The following TRMT11 variants were observed in gnomAD, a reference collection of about 807,000 sequenced individuals.
The protein encoded by TRMT11 is tRNA (guanine(10)-N(2))-methyltransferase TRMT11.
In TRMT11, 53 loss-of-function variants were observed where a neutral mutation model predicts 62.8. The observed-to-expected ratio is 0.84, with a 90% CI of 0.68 to 1.06. The LOEUF is 1.06. TRMT11 is among the 50% of genes least tolerant of loss of function. The pLI is 0.00. For synonymous variants in TRMT11, 188 were observed against 190.3 expected (o/e 0.99, Z 0.10); for missense variants, 556 against 553.4 (o/e 1.00, Z -0.05).
At chr6:126,224,876 C>T in the TRMT11 span, among the ~76,000 whole-genome samples, 103 of 152,258 alleles carry the variant, frequency 6.8e-4, 1 homozygote, top group Middle Eastern at 3.4e-3. Flanking sequence ...GCGTGCTGGT[C>T]GGGGCCCATC....
At chr6:126,157,715 C>T (rs535377071) in intron 21 of TRMT11, among the ~76,000 whole-genome samples, 9 of 152,238 alleles carry the variant, frequency 5.9e-5, no homozygotes, top group Non-Finnish European at 1.2e-4. Context: ...TTAGATGGGT[C>T]TGATGAAAAG....
chr6:126,227,933 GT>G, the TRMT11 span, among the ~76,000 whole-genome samples: 2 of 152,212 alleles, frequency 1.3e-5, no homozygotes, highest in Admixed American at 1.3e-4. Context: ...CATAAAAGCC[GT>G]AAAACATGAG....
Position 125,998,387 on chromosome 6 carries a change from C to T in TRMT11, c.387+72C>T. ...TGGCCATTGTTGATATATAGGAATACCTAATGTCTGTGAAGTGTTTATTTT... is the reference window on the plus strand; with the variant it reads ...TGGCCATTGTTGATATATAGGAATATCTAATGTCTGTGAAGTGTTTATTTT... On this transcript the variant is annotated intron_variant, in intron 5 of 12. Coordinates refer to ENST00000334379, the MANE Select transcript of TRMT11 (RefSeq NM_001031712.3). 4.7e-6 allele frequency: 6 copies of T among 1,266,606 alleles called. No homozygotes were observed. In the South Asian group the frequency reaches 8.0e-5, roughly 17 times the overall value. 78.5% of individuals were successfully genotyped at this position (1,266,606 alleles called of 1,614,324 possible).
the TRMT11 span, among the ~76,000 whole-genome samples, chr6:126,239,185 T>C: frequency 6.6e-6 from 1 of 152,246 alleles, no homozygotes; most frequent in Non-Finnish European, 1.5e-5. Context: ...TGTCTTTTAA[T>C]TGGAGCATTT....
At chr6:125,989,248 C>T (rs1386554265) in intron 1 of TRMT11, among the ~76,000 whole-genome samples, 2 of 151,704 alleles carry the variant, frequency 1.3e-5, no homozygotes, top group South Asian at 4.2e-4. Flanking sequence ...CTGCCTCAGC[C>T]TCCCGAGTAG....
At chr6:126,127,502 T>C (rs1191523088) in intron 21 of TRMT11, among the ~76,000 whole-genome samples, 2 of 152,116 alleles carry the variant, frequency 1.3e-5, no homozygotes, top group East Asian at 3.9e-4. Context: ...TTTTTAATTA[T>C]ACTTTAAGTT....
chr6:126,100,267 A>G (rs1231021121), intron 17 of TRMT11, among the ~76,000 whole-genome samples: 1 of 152,114 alleles, frequency 6.6e-6, no homozygotes, highest in Non-Finnish European at 1.5e-5. Flanking sequence ...GAGAATTTCC[A>G]TTTTATAGAT....
chr6:126,179,277 A>G (rs1477568707), intron 1 of TRMT11, among the ~76,000 whole-genome samples: 2 of 152,090 alleles, frequency 1.3e-5, no homozygotes, highest in African/African-American at 2.4e-5. Context: ...GATTTTGTCA[A>G]TATTGCTCCT....
the TRMT11 span, among the ~76,000 whole-genome samples, chr6:126,242,793 C>A: frequency 3.9e-5 from 6 of 152,164 alleles, no homozygotes; most frequent in South Asian, 1.2e-3. Flanking sequence ...TCAAGATGGA[C>A]TAAAGACTTA....
the TRMT11 span, among the ~76,000 whole-genome samples, chr6:126,224,972 G>A: frequency 6.6e-6 from 1 of 152,144 alleles, no homozygotes; most frequent in Admixed American, 6.5e-5. Flanking sequence ...TTGGGCATCC[G>A]AGTCTGCACT....
chr6:126,093,628 T>TATATATAC (rs1562321453), intron 17 of TRMT11, among the ~76,000 whole-genome samples: 1 of 105,804 alleles, frequency 9.5e-6, no homozygotes, highest in Admixed American at 9.1e-5. Flanking sequence ...TATATATATA[T>TATATATAC]ATATTTTCCC....
chr6:126,129,031 A>G (rs962677842), intron 21 of TRMT11, among the ~76,000 whole-genome samples: 2 of 150,682 alleles, frequency 1.3e-5, no homozygotes, highest in African/African-American at 4.9e-5. Flanking sequence ...ACCTGGGTCT[A>G]GTCTCAGCTC....
At chr6:126,172,750 G>T (rs1455226553), upstream of TRMT11, among the ~76,000 whole-genome samples, 1 of 152,186 alleles carries the variant, frequency 6.6e-6, no homozygotes, top group African/African-American at 2.4e-5. Flanking sequence ...AGTAAGCTTA[G>T]AAGGGACAGT....
At chr6:126,259,477 G>C in the TRMT11 span, among the ~76,000 whole-genome samples, 1 of 152,222 alleles carries the variant, frequency 6.6e-6, no homozygotes, top group Admixed American at 6.5e-5. Flanking sequence ...GATTATAGGC[G>C]TGAGCCACCG....
intron 21 of TRMT11, among the ~76,000 whole-genome samples, chr6:126,151,901 T>TTTC (rs1562334902): frequency 5.7e-4 from 35 of 61,624 alleles, no homozygotes; most frequent in South Asian, 1.1e-3. Context: ...TTTTTCTTTC[T>TTTC]TTTCTCTTTC....
chr6:126,142,168 C>A (rs763144054), intron 21 of TRMT11, among the ~76,000 whole-genome samples: 1 of 151,970 alleles, frequency 6.6e-6, no homozygotes, highest in Non-Finnish European at 1.5e-5. Context: ...AACTCTTCAT[C>A]CCTGGAGAAG....
chr6:126,029,042 G>A (rs1308884292), intron 12 of TRMT11, among the ~76,000 whole-genome samples: 1 of 152,152 alleles, frequency 6.6e-6, no homozygotes, highest in Non-Finnish European at 1.5e-5. Flanking sequence ...AAGTTTCTAT[G>A]TGGAATCAAC....
Position 126,113,308 on chromosome 6 carries a change from C to T in TRMT11, c.*1526+354C>T, listed in dbSNP as rs575385354. Among the ~76,000 whole-genome samples the T allele has an allele frequency of 5.3e-5, 8 of 152,130 alleles. No homozygotes were observed. The South Asian group carries it at 8.3e-4, about 16-fold the overall frequency. On this transcript the variant is annotated intron_variant and NMD_transcript_variant, in intron 18 of 22. Coordinates refer to the TRMT11 transcript ENST00000648977. Reference sequence around the variant, plus strand: ...TTGGAGTCTCTATGTGGATGATAAACTGTATGGTCTTTCTATTTATAAATC... The same window carrying T: ...TTGGAGTCTCTATGTGGATGATAAATTGTATGGTCTTTCTATTTATAAATC...
chr6:126,194,296 A>G (rs1471823024), intron 1 of TRMT11, among the ~76,000 whole-genome samples: 9 of 152,100 alleles, frequency 5.9e-5, no homozygotes, highest in African/African-American at 2.2e-4. Context: ...CTCCCTTTAG[A>G]TCTCTTAATA....
Sources: allele counts gnomAD v4.1 joint callset (sites outside exome capture counted in the v4.1 genomes callset), GRCh38; gene constraint gnomAD v4.1.1; transcripts MANE v1.5; gene names NCBI Gene and HGNC (gene_info 2026-07-23, HGNC 2026-07-21).